The following ZNF407 variants were observed in gnomAD, a reference collection of about 807,000 sequenced individuals.
ZNF407 encodes the protein zinc finger protein 407.
A neutral mutation model predicts 131.2 loss-of-function variants in ZNF407; 17 were observed. The ratio of observed to expected loss-of-function variants is 0.13; its 90% CI spans 0.09 to 0.19. ZNF407 has a LOEUF of 0.19. Ranked by LOEUF, ZNF407 falls within the 10% of genes least tolerant of loss-of-function variation. The probability of loss-of-function intolerance (pLI) is 1.00; values close to 1 mark genes in which losing one functional copy is unlikely to be tolerated. For synonymous variants in ZNF407, 1,156 were observed against 1,062.0 expected (o/e 1.09, Z -1.72); for missense variants, 2,681 against 2,830.6 (o/e 0.95, Z 1.20).
rs1984396980 is a variant in ZNF407, at chr18:74,635,199, T to C, written c.4180T>C (p.Cys1394Arg). 7 of 1,613,894 alleles carry C rather than the reference T, an allele frequency of 4.3e-6. No individual in the cohort carries two copies. The highest frequency in any genetic ancestry group is 5.9e-6 in the Non-Finnish European group (7 of 1,179,902). The part of the protein sequence containing the change: ...VRISELPLKD[C>R]AQGVKKKKSE... ...AATTAGTGAGCTGCCCTTGAAAGAC[T>C]GTGCTCAAGGTGTGAAAAAGAAGAA... Residue 1394 changes from cysteine (C) to arginine (R), a missense_variant, in exon 2 of 9, where the codon TGT (cysteine) becomes CGT (arginine). Physicochemically the swap from Cys to Arg is radical, Grantham distance 180. Transcript: ENST00000299687. This position sits in a 1 kb window ranked among gnomAD's most constrained non-coding sequence, Gnocchi z 4.7.
intron 3 of ZNF407, among the ~76,000 whole-genome samples, chr18:74,780,491 TC>T (rs1213331899): frequency 1.3e-5 from 2 of 152,208 alleles, no homozygotes; most frequent in Non-Finnish European, 1.5e-5. Flanking sequence ...CTAATTAAAA[TC>T]ATATTTTTGC....
At chr18:74,830,163 G>A (rs1386467177) in intron 4 of ZNF407, among the ~76,000 whole-genome samples, 1 of 152,184 alleles carries the variant, frequency 6.6e-6, no homozygotes, top group African/African-American at 2.4e-5. Context: ...TGGACTTCCA[G>A]CCTTCAGAAC....
intron 8 of ZNF407, among the ~76,000 whole-genome samples, chr18:74,990,642 G>A (rs1276715538): frequency 1.3e-5 from 2 of 152,142 alleles, no homozygotes; most frequent in African/African-American, 2.4e-5. Context: ...TATTTTTGCA[G>A]AAGTGATTTT....
At chr18:74,843,137 C>A (rs1298695100) in intron 4 of ZNF407, among the ~76,000 whole-genome samples, 1 of 152,132 alleles carries the variant, frequency 6.6e-6, no homozygotes, top group African/African-American at 2.4e-5. Flanking sequence ...ACCAAAAATA[C>A]TTTGACGAAT....
At chr18:74,912,305 G>T (rs1364508102) in intron 7 of ZNF407, among the ~76,000 whole-genome samples, 2 of 152,024 alleles carry the variant, frequency 1.3e-5, no homozygotes, top group East Asian at 3.9e-4. Flanking sequence ...TGCCATACCA[G>T]CTGACAACCA....
Position 74,786,279 on chromosome 18 carries a change from A to G in ZNF407, c.4877+4777A>G, listed in dbSNP as rs537598747. On this transcript the variant is annotated intron_variant, in intron 4 of 8. Coordinates refer to ENST00000299687, the MANE Select transcript of ZNF407 (RefSeq NM_017757.3). ...ATCCATTTTATCATTGAAATGGGTG[A>G]TTTATTCTAATGGATGTGTTGTGAT... Among the ~76,000 whole-genome samples the G allele has an allele frequency of 3.9e-5, 6 of 152,220 alleles. No individual in the cohort carries two copies. The East Asian group carries it at 1.2e-3, about 29-fold the overall frequency.
chr18:74,961,729 A>AT (rs1484839091), intron 8 of ZNF407, among the ~76,000 whole-genome samples: 1 of 152,044 alleles, frequency 6.6e-6, no homozygotes, highest in Non-Finnish European at 1.5e-5. Context: ...AAAAAAAAAA[A>AT]AAAGTTTGCA....
chr18:74,937,915 T>C (rs879647968), intron 8 of ZNF407, among the ~76,000 whole-genome samples: 8 of 152,090 alleles, frequency 5.3e-5, no homozygotes, highest in Non-Finnish European at 1.0e-4. Context: ...TGGGAAAAGG[T>C]GGTGAGATTA....
chr18:74,868,352 G>A (rs1971041640), intron 4 of ZNF407, among the ~76,000 whole-genome samples: 1 of 152,146 alleles, frequency 6.6e-6, no homozygotes, highest in African/African-American at 2.4e-5. Flanking sequence ...CATATGTACT[G>A]TATCTTTCTG....
At chr18:74,941,350 T>C (rs2959158) in intron 8 of ZNF407, among the ~76,000 whole-genome samples, 7,205 of 152,210 alleles carry the variant, frequency 0.047, 586 homozygotes, top group African/African-American at 0.16. Flanking sequence ...TCTTGCTCAC[T>C]CTCCCTTGGC....
intron 4 of ZNF407, among the ~76,000 whole-genome samples, chr18:74,858,329 T>G (rs888812965): frequency 2.6e-5 from 4 of 152,142 alleles, no homozygotes. Flanking sequence ...TGTATTAACC[T>G]CCTCTTACTT....
At chr18:74,895,391 C>G (rs1202776838) in intron 7 of ZNF407, among the ~76,000 whole-genome samples, 1 of 152,098 alleles carries the variant, frequency 6.6e-6, no homozygotes, top group Non-Finnish European at 1.5e-5. Flanking sequence ...CAAGTTCTTA[C>G]ATGTGTGACT....
chr18:75,050,660 A>T (rs1810414048), intron 8 of ZNF407, among the ~76,000 whole-genome samples: 1 of 152,208 alleles, frequency 6.6e-6, no homozygotes, highest in African/African-American at 2.4e-5. Flanking sequence ...TTCTCTGTCC[A>T]AGAGGAGTAC....
chr18:74,975,033 C>T (rs117466624), intron 8 of ZNF407, among the ~76,000 whole-genome samples: 1,677 of 152,290 alleles, frequency 0.011, 75 homozygotes, highest in Admixed American at 0.077. Flanking sequence ...TACATACTTA[C>T]GTCATGCAGG....
intron 8 of ZNF407, among the ~76,000 whole-genome samples, chr18:74,971,839 C>T (rs1258882561): frequency 1.3e-5 from 2 of 152,200 alleles, no homozygotes; most frequent in Non-Finnish European, 2.9e-5. Context: ...AGTTCATTTT[C>T]ATGCTGCTGA....
intron 3 of ZNF407, among the ~76,000 whole-genome samples, chr18:74,690,724 C>T (rs935400722): frequency 1.3e-5 from 2 of 152,040 alleles, no homozygotes; most frequent in Non-Finnish European, 2.9e-5. Context: ...TAATATTTTC[C>T]TGTATTGCCA....
intron 8 of ZNF407, among the ~76,000 whole-genome samples, chr18:74,988,885 G>A (rs1972685201): frequency 6.6e-6 from 1 of 152,102 alleles, no homozygotes; most frequent in South Asian, 2.1e-4. Flanking sequence ...GTGTGAAATG[G>A]TACAGCCACT....
intron 2 of ZNF407, among the ~76,000 whole-genome samples, chr18:74,640,092 G>T (rs1349845520): frequency 6.6e-6 from 1 of 151,930 alleles, no homozygotes; most frequent in Non-Finnish European, 1.5e-5. Flanking sequence ...TTACAATTTT[G>T]ATTTATTTGA....
chr18:74,909,470 T>C (rs1971639963), intron 7 of ZNF407, among the ~76,000 whole-genome samples: 1 of 152,104 alleles, frequency 6.6e-6, no homozygotes, highest in South Asian at 2.1e-4. Flanking sequence ...GTCAAAAAAT[T>C]TGAGAAGCAA....
Sources: allele counts gnomAD v4.1 joint callset (sites outside exome capture counted in the v4.1 genomes callset), GRCh38; gene constraint gnomAD v4.1.1; non-coding constraint Gnocchi (gnomAD v3.1); transcripts MANE v1.5; gene names NCBI Gene and HGNC (gene_info 2026-07-23, HGNC 2026-07-21).